The following FBXL17 variants were observed in gnomAD, a reference collection of about 807,000 sequenced individuals.
The protein encoded by FBXL17 is F-box and leucine rich repeat protein 17, also known as F-box/LRR-repeat protein 17.
In FBXL17, 22 loss-of-function variants were observed where a neutral mutation model predicts 66.2. That is an observed-to-expected ratio of 0.33 (90% CI 0.24 to 0.47). The LOEUF is 0.47. FBXL17 is among the 20% of genes least tolerant of loss of function. FBXL17 has a pLI of 1.00. For synonymous variants in FBXL17, 474 were observed against 400.5 expected (o/e 1.18, Z -2.19); for missense variants, 878 against 948.2 (o/e 0.93, Z 0.97).
chr5:108,300,978 GAATAA>G (rs1292008419), intron 4 of FBXL17, among the ~76,000 whole-genome samples: 3 of 151,646 alleles, frequency 2.0e-5, no homozygotes, highest in African/African-American at 7.3e-5. Flanking sequence ...AGATCACAGA[GAATAA>G]AATATAGTAT....
rs1484166383 is a variant in FBXL17, at chr5:107,912,503, T to C, written c.1823-31324A>G. Among the ~76,000 whole-genome samples, 6 of 152,130 alleles carry C rather than the reference T, an allele frequency of 3.9e-5. No homozygotes were observed. In the East Asian group the frequency reaches 9.6e-4, roughly 24 times the overall value. On this transcript the variant is annotated intron_variant, in intron 7 of 8. Transcript: ENST00000542267. ...TGGCTAAAAGAACAAAGTACATCTATATGTATCAATATAGATGAATCTCAG... is the reference window on the plus strand; with the variant it reads ...TGGCTAAAAGAACAAAGTACATCTACATGTATCAATATAGATGAATCTCAG...
Position 107,946,455 on chromosome 5 carries a change from A to AATTATTATT in FBXL17, c.1823-65285_1823-65277dup, listed in dbSNP as rs143145847. On this transcript the variant is annotated intron_variant, in intron 7 of 8. Coordinates refer to ENST00000542267, the MANE Select transcript of FBXL17 (RefSeq NM_001163315.3). ...ACAGGTGTGTGCCACCACACCTGCCAATTATTATTATTATTATTATTATTA... is the reference window on the plus strand; with the variant it reads ...ACAGGTGTGTGCCACCACACCTGCCAATTATTATTATTATTATTATTATTATTATTATTA... Among the ~76,000 whole-genome samples the AATTATTATT allele has an allele frequency of 4.0e-3, 565 of 140,314 alleles. 8 individuals are homozygous for AATTATTATT. Among genetic ancestry groups the AATTATTATT allele is most frequent in the African/African-American group, 0.013 (491 of 38,634 alleles). The allele number at this position is 140,314 out of a possible 152,430, so 92.1% of individuals were successfully genotyped here.
At chr5:107,981,689 A>G (rs1752835982) in intron 7 of FBXL17, among the ~76,000 whole-genome samples, 1 of 152,184 alleles carries the variant, frequency 6.6e-6, no homozygotes, top group Non-Finnish European at 1.5e-5. Flanking sequence ...AAATCTAACA[A>G]ATTATGGCAC....
chr5:108,082,488 T>A (rs940973002), intron 6 of FBXL17, among the ~76,000 whole-genome samples: 1 of 152,218 alleles, frequency 6.6e-6, no homozygotes, highest in African/African-American at 2.4e-5. Flanking sequence ...ATTCTAAAAA[T>A]TTCCAGTGAC....
chr5:108,140,732 A>T (rs1329191598), intron 6 of FBXL17, among the ~76,000 whole-genome samples: 1 of 152,150 alleles, frequency 6.6e-6, no homozygotes, highest in Non-Finnish European at 1.5e-5. Flanking sequence ...ATTCAATAGC[A>T]AGGTAGATAT....
At chr5:108,342,436 C>T (rs1026259187) in intron 4 of FBXL17, among the ~76,000 whole-genome samples, 3 of 152,126 alleles carry the variant, frequency 2.0e-5, no homozygotes, top group African/African-American at 7.2e-5. Context: ...CTCCTGAAAT[C>T]AATTATCATC....
chr5:108,060,185 T>G (rs1275674623), intron 6 of FBXL17, among the ~76,000 whole-genome samples: 2 of 151,882 alleles, frequency 1.3e-5, no homozygotes, highest in South Asian at 2.1e-4. Flanking sequence ...CATATATATA[T>G]AGATATAGAT....
intron 5 of FBXL17, among the ~76,000 whole-genome samples, chr5:108,210,032 A>T (rs1754298200): frequency 6.6e-6 from 1 of 152,128 alleles, no homozygotes; most frequent in Admixed American, 6.6e-5. Flanking sequence ...TTCCTCATTT[A>T]GACTTGGGAG....
intron 7 of FBXL17, among the ~76,000 whole-genome samples, chr5:107,935,962 C>T (rs773648263): frequency 8.5e-5 from 13 of 152,116 alleles, no homozygotes; most frequent in Non-Finnish European, 1.8e-4. Flanking sequence ...GCTGTAGGGT[C>T]AAGTACACAG....
At chr5:107,980,879 C>T (rs958605033) in intron 7 of FBXL17, among the ~76,000 whole-genome samples, 1 of 148,942 alleles carries the variant, frequency 6.7e-6, no homozygotes, top group Non-Finnish European at 1.5e-5. Flanking sequence ...CTCCTGACCT[C>T]GTGATCCGCC....
In FBXL17 at chr5:108,025,694, CACACACACAA is replaced by C. The variant is rs1408132450; in HGVS notation, c.1746-4703_1746-4694del. ...GCTACAACACATACACACACACACA[CACACACACAA>C]ACACACACACACACGCGCGCGCGCA... is the stretch of plus-strand genomic sequence containing the variant. On this transcript the variant is annotated intron_variant, in intron 6 of 8. Transcript: ENST00000542267. Among the ~76,000 whole-genome samples, 368 of 139,580 alleles carry C rather than the reference CACACACACAA, an allele frequency of 2.6e-3. 1 individual carries two copies. Among genetic ancestry groups the C allele is most frequent in the African/African-American group, 0.011 (348 of 32,634 alleles). The allele number at this position is 139,580 out of a possible 152,430, so 91.6% of individuals were successfully genotyped here. A position where few individuals can be genotyped will look rare whatever the true frequency, so the allele number is the denominator to read the frequency against.
At chr5:108,163,939 A>G (rs1752317154) in intron 6 of FBXL17, among the ~76,000 whole-genome samples, 1 of 152,218 alleles carries the variant, frequency 6.6e-6, no homozygotes, top group Non-Finnish European at 1.5e-5. Flanking sequence ...TAGGTCATCT[A>G]AAACCTGGCA....
intron 4 of FBXL17, among the ~76,000 whole-genome samples, chr5:108,274,839 TA>T (rs1218726891): frequency 6.6e-6 from 1 of 152,168 alleles, no homozygotes; most frequent in Admixed American, 6.5e-5. Context: ...CAAATAACAT[TA>T]AGGATTTTGT....
At chr5:108,023,641 T>C (rs138658637) in intron 6 of FBXL17, among the ~76,000 whole-genome samples, 6 of 152,270 alleles carry the variant, frequency 3.9e-5, no homozygotes, top group African/African-American at 1.4e-4. Context: ...AAGTAGTACA[T>C]AACACAAGTC....
intron 5 of FBXL17, among the ~76,000 whole-genome samples, chr5:108,193,387 A>T (rs1250986286): frequency 2.0e-5 from 3 of 152,208 alleles, no homozygotes; most frequent in African/African-American, 7.2e-5. Flanking sequence ...AAGGGGTGGT[A>T]GCAATAGATC....
chr5:107,913,534 C>G (rs1750020786), intron 7 of FBXL17, among the ~76,000 whole-genome samples: 1 of 152,106 alleles, frequency 6.6e-6, no homozygotes, highest in Non-Finnish European at 1.5e-5. Context: ...CCTTGATCCT[C>G]AGAGAGTGCT....
chr5:108,339,470 C>T (rs1416382014), intron 4 of FBXL17, among the ~76,000 whole-genome samples: 2 of 151,960 alleles, frequency 1.3e-5, no homozygotes, highest in Non-Finnish European at 2.9e-5. Context: ...GAGCACAAAG[C>T]CCAAGACTGC....
chr5:107,927,128 A>C (rs1256621527), intron 7 of FBXL17, among the ~76,000 whole-genome samples: 1 of 152,164 alleles, frequency 6.6e-6, no homozygotes, highest in Admixed American at 6.5e-5. Flanking sequence ...AAAACACTAA[A>C]TAGAAAATAA....
intron 4 of FBXL17, among the ~76,000 whole-genome samples, chr5:108,226,815 C>G (rs981093607): frequency 2.0e-5 from 3 of 152,160 alleles, no homozygotes; most frequent in African/African-American, 7.2e-5. Flanking sequence ...GGAGATCAGT[C>G]TTCTCCTGCC....
Sources: gnomAD v4.1 joint callset for allele counts (sites outside exome capture counted in the v4.1 genomes callset) on GRCh38, gnomAD v4.1.1 for gene constraint, MANE v1.5 for transcripts, NCBI Gene and HGNC (gene_info 2026-07-23, HGNC 2026-07-21) for gene names.